Variants in EIF4A3 observed in about 807,000 individuals in gnomAD.
EIF4A3 encodes eukaryotic translation initiation factor 4A3, also known as eukaryotic initiation factor 4A-III.
In EIF4A3, 1 loss-of-function variant was observed where a neutral mutation model predicts 55.6. That is an observed-to-expected ratio of 0.02 (90% CI 0.01 to 0.09). The LOEUF (loss-of-function observed/expected upper bound fraction) is 0.09, where lower values mean the gene tolerates loss of function less well. Ranked by LOEUF, EIF4A3 falls within the 10% of genes least tolerant of loss-of-function variation. The pLI is 1.00. For missense variants in EIF4A3, 221 were observed against 540.7 expected, an observed-to-expected ratio of 0.41 and a Z score of 5.86; for synonymous variants, 194 against 196.3, an observed-to-expected ratio of 0.99 and a Z score of 0.10.
intron 2 of EIF4A3, among the ~76,000 whole-genome samples, chr17:80,142,824 T>C (rs1397169468): frequency 6.6e-6 from 1 of 151,876 alleles, no homozygotes; most frequent in African/African-American, 2.4e-5. Flanking sequence ...GGCAGACAGA[T>C]TGCCAGGAGT....
intron 11 of EIF4A3, 158 bp from the exon 12 acceptor site, chr17:80,135,664 G>C: frequency 3.0e-6 from 2 of 673,460 alleles, no homozygotes; most frequent in Non-Finnish European, 5.1e-6. Context: ...GGGAGGCTGA[G>C]GTGGGCAGAT....
rs1484121040 is a variant in EIF4A3, at chr17:80,146,896, G to A, written c.66C>T (p.Asp22=). The A allele has an allele frequency of 1.9e-6, 3 of 1,611,004 alleles. No individual in the cohort carries two copies. Among genetic ancestry groups the A allele is most frequent in the South Asian group, 1.1e-5 (1 of 90,960 alleles). Reference sequence around the variant, plus strand: ...TGGTCTCGAATTCCACTTTAGTCATGTCTTCCTCTTTGAGCAGCCGCTTTC... The same window carrying A: ...TGGTCTCGAATTCCACTTTAGTCATATCTTCCTCTTTGAGCAGCCGCTTTC... ...SARKRLLKEE[D]MTKVEFETSE... The change falls in exon 1 of 12, where the codon GAC becomes GAT. Residue 22 remains aspartate (D), a synonymous_variant. Transcript: ENST00000649764.
Position 80,139,783 on chromosome 17 carries a change from AATCAC to A in EIF4A3, c.506-38_506-34del, listed in dbSNP as rs770257784. 6 of 1,596,436 alleles carry A rather than the reference AATCAC, an allele frequency of 3.8e-6. No homozygotes were observed. The African/African-American group carries it at 8.1e-5, about 21-fold the overall frequency. Reference sequence around the variant, plus strand: ...ATGAGATTTTGAAATACTTACGACAAATCACATCTATGAGATTTTGAAATAATCAC... The same window carrying A: ...ATGAGATTTTGAAATACTTACGACAAATCTATGAGATTTTGAAATAATCAC... On this transcript the variant is annotated intron_variant, in intron 5 of 11. Coordinates refer to ENST00000649764, the MANE Select transcript of EIF4A3 (RefSeq NM_014740.4).
Position 80,138,346 on chromosome 17 carries a change from G to A in EIF4A3, c.729-66C>T. ...CTTCTAGGACTTGAGGGTGGGCCAAGCCAGGATCCAGGGAGACCCTGGTGG... is the reference window on the plus strand; with the variant it reads ...CTTCTAGGACTTGAGGGTGGGCCAAACCAGGATCCAGGGAGACCCTGGTGG... On this transcript the variant is annotated intron_variant, in intron 7 of 11. Transcript: ENST00000649764. 3 of 1,590,766 alleles carry A rather than the reference G, an allele frequency of 1.9e-6. No homozygotes were observed. In the South Asian group the frequency reaches 3.4e-5, roughly 18 times the overall value.
Position 80,139,722 on chromosome 17 carries a change from T to G in EIF4A3, c.534A>C (p.Thr178=). ...CCAAAACCAACATTTTGATAGCACGTGTCCTTAGGCTTCTGCGACGAATCA... is the reference window on the plus strand; with the variant it reads ...CCAAAACCAACATTTTGATAGCACGGGTCCTTAGGCTTCTGCGACGAATCA... ...FDMIRRRSLR[T]RAIKMLVLDE... The change falls in exon 6 of 12, where the codon ACA becomes ACC. Residue 178 remains threonine (T), a synonymous_variant. Coordinates refer to ENST00000649764, the MANE Select transcript of EIF4A3 (RefSeq NM_014740.4). The G allele has an allele frequency of 6.2e-7, 1 of 1,614,036 alleles. No homozygotes were observed.
At chr17:80,137,073 C>T (rs558665641) in intron 9 of EIF4A3, 1 of 232,334 alleles carries the variant, frequency 4.3e-6, no homozygotes, top group South Asian at 1.4e-4. Context: ...CGCTTTCTGA[C>T]CACTGTGGAA....
chr17:80,144,844 C>G (rs1361872897), intron 1 of EIF4A3, among the ~76,000 whole-genome samples: 1 of 152,210 alleles, frequency 6.6e-6, no homozygotes. Context: ...AACTACAACA[C>G]CATCACACCA....
intron 8 of EIF4A3, chr17:80,137,722 C>T: frequency 1.9e-6 from 1 of 523,852 alleles, no homozygotes; most frequent in South Asian, 2.3e-5. Flanking sequence ...TATAATGACT[C>T]TATGGGGGGA....
chr17:80,146,698 C>T, intron 1 of EIF4A3, 95 bp downstream of exon 1: 2 of 1,421,694 alleles, frequency 1.4e-6, no homozygotes, highest in Non-Finnish European at 1.9e-6. Context: ...ACCTCCGGAG[C>T]GCAGGGCCGG....
chr17:80,145,696 C>A lies in EIF4A3; in HGVS notation c.169+1097G>T, dbSNP rs73438136. 3.8e-3 allele frequency among the ~76,000 whole-genome samples: 585 copies of A among 152,048 alleles called. 4 individuals carry two copies. Among genetic ancestry groups the A allele is most frequent in the African/African-American group, 0.013 (554 of 41,470 alleles). ...TGCCCAACCCAACCTCTTCTCCAGG[C>A]TCTCCCTCAACTTCCTCACATCTTT... On this transcript the variant is annotated intron_variant, in intron 1 of 11. Transcript: ENST00000649764.
rs891076923 is a variant in EIF4A3, at chr17:80,136,030, G to A, written c.1193C>T (p.Thr398Ile). 6.2e-7 allele frequency: 1 copy of A among 1,614,108 alleles called. No homozygotes were observed. ...GTTCATCGGCATCTCATCAATCTGA[G>A]TGGAATAGTACTGCTCGATATCTCT... Reference protein sequence around the residue: ...ILRDIEQYYSTQIDEMPMNVA... With the variant: ...ILRDIEQYYSIQIDEMPMNVA... The change falls in exon 11 of 12, where the codon ACT (threonine) becomes ATT (isoleucine). Residue 398 changes from threonine to isoleucine, a missense_variant. Thr to Ile is a moderately conservative substitution (Grantham distance 89, BLOSUM62 -1). Coordinates refer to ENST00000649764, the MANE Select transcript of EIF4A3 (RefSeq NM_014740.4).
intron 7 of EIF4A3, 73 bp from the exon 8 acceptor site, chr17:80,138,353 T>A (rs1375210122): frequency 1.1e-5 from 17 of 1,577,180 alleles, no homozygotes; most frequent in Non-Finnish European, 1.4e-5. Context: ...CAAGCCAGGA[T>A]CCAGGGAGAC....
At chr17:80,140,318 T>C in intron 4 of EIF4A3, 178 bp from the exon 5 acceptor site, 1 of 737,252 alleles carries the variant, frequency 1.4e-6, no homozygotes, top group African/African-American at 1.9e-5. Context: ...TTTTGCTTTT[T>C]TTTTTTTTTT....
chr17:80,147,124 G>C lies in EIF4A3; in HGVS notation c.-163C>G, dbSNP rs184551998. 1 of 999,206 alleles carries C rather than the reference G, an allele frequency of 1.0e-6. No homozygotes were observed. Among genetic ancestry groups the C allele is most frequent in the African/African-American group, 1.8e-5 (1 of 56,904 alleles). 61.9% of individuals were successfully genotyped at this position (999,206 alleles called of 1,614,324 possible). On this transcript the variant is annotated 5_prime_UTR_variant, in exon 1 of 12. Transcript: ENST00000649764. Reference sequence around the variant, plus strand: ...ACCTCGCTGTGCCGCTGCCGACCTCGCTGTGCCGCTGCCGAGAACAGACGC... The same window carrying C: ...ACCTCGCTGTGCCGCTGCCGACCTCCCTGTGCCGCTGCCGAGAACAGACGC...
chr17:80,144,314 C>T (rs2039641247), intron 1 of EIF4A3, 70 bp from the exon 2 acceptor site: 3 of 1,430,190 alleles, frequency 2.1e-6, no homozygotes, highest in Non-Finnish European at 2.9e-6. Context: ...GTGAGCTCCT[C>T]AGGGGCAGAC....
rs551319376 is a variant in EIF4A3 at position 80,140,778 on chromosome 17, G to A, written c.372+541C>T. 1.1e-4 allele frequency among the ~76,000 whole-genome samples: 16 copies of A among 151,536 alleles called. No homozygotes were observed. The East Asian group carries it at 1.4e-3, about 13-fold the overall frequency. ...TTTTAAACATACATCTTTATACTAC[G>A]TTAAGTATAAAATGGGTACAATTTA... On this transcript the variant is annotated intron_variant, in intron 4 of 11. Coordinates refer to ENST00000649764, the MANE Select transcript of EIF4A3 (RefSeq NM_014740.4).
chr17:80,141,691 A>T, intron 3 of EIF4A3, 91 bp downstream of exon 3: 1 of 1,356,598 alleles, frequency 7.4e-7, no homozygotes, highest in Non-Finnish European at 1.0e-6. Context: ...AGAAAATTTT[A>T]AATTGTACTT....
chr17:80,145,968 G>GCCTCA (rs761584989), intron 1 of EIF4A3, among the ~76,000 whole-genome samples: 1 of 151,818 alleles, frequency 6.6e-6, no homozygotes, highest in African/African-American at 2.4e-5. Context: ...GCCTTGCCTC[G>GCCTCA]CCTCACCTCA....
chr17:80,141,465 G>A, intron 3 of EIF4A3, 84 bp from the exon 4 acceptor site: 1 of 1,323,188 alleles, frequency 7.6e-7, no homozygotes, highest in Non-Finnish European at 1.1e-6. Flanking sequence ...ATCTATATGA[G>A]AAATACTATC....
Sources: allele counts gnomAD v4.1 joint callset (sites outside exome capture counted in the v4.1 genomes callset), GRCh38; gene constraint gnomAD v4.1.1; transcripts MANE v1.5; gene names NCBI Gene and HGNC (gene_info 2026-07-23, HGNC 2026-07-21).